FREM3: variants seen among roughly 807,000 people sequenced by gnomAD.
The protein encoded by FREM3 is FRAS1 related extracellular matrix 3.
In FREM3, 105 loss-of-function variants were observed where a neutral mutation model predicts 129.1. The ratio of observed to expected loss-of-function variants is 0.81; its 90% CI spans 0.69 to 0.96. The LOEUF (loss-of-function observed/expected upper bound fraction) is 0.96, where lower values mean the gene tolerates loss of function less well. FREM3 is among the 40% of genes least tolerant of loss of function. FREM3 has a pLI of 0.00. For missense variants in FREM3, 2,593 were observed against 2,666.3 expected (o/e 0.97, Z 0.61); for synonymous variants, 1,014 against 1,044.9 (o/e 0.97, Z 0.57).
intron 4 of FREM3, among the ~76,000 whole-genome samples, chr4:143,621,643 A>G (rs944854195): frequency 6.6e-6 from 1 of 152,208 alleles, no homozygotes; most frequent in African/African-American, 2.4e-5. Context: ...ATATGCTGAG[A>G]AAAATAAGCT....
Position 143,696,521 on chromosome 4 carries a change from G to C in FREM3, c.4155C>G (p.Ile1385Met), listed in dbSNP as rs1387236983. 2 of 1,537,522 alleles carry C rather than the reference G, an allele frequency of 1.3e-6. No individual in the cohort carries two copies. Among genetic ancestry groups the C allele is most frequent in the Middle Eastern group, 3.3e-4 (2 of 5,992 alleles). Residue 1385 changes from isoleucine to methionine, a missense_variant, in exon 1 of 8, where the codon ATC (isoleucine) becomes ATG (methionine). Physicochemically the swap from Ile to Met is conservative, Grantham distance 10. Coordinates refer to ENST00000329798, the MANE Select transcript of FREM3 (RefSeq NM_001168235.2). Reference sequence around the variant, plus strand: ...CTTCTTGGCCTGTGTGGATATAGCAGATGAGGCCTCTGTTAATCTCATCCT... The same window carrying C: ...CTTCTTGGCCTGTGTGGATATAGCACATGAGGCCTCTGTTAATCTCATCCT... Reference protein sequence around the residue: ...FTQDEINRGLICYIHTGQEGI... With the variant: ...FTQDEINRGLMCYIHTGQEGI...
Position 143,695,792 on chromosome 4 carries a change from AGT to A in FREM3, c.4882_4883del (p.Thr1628SerfsTer3). The A allele has an allele frequency of 6.5e-7, 1 of 1,537,262 alleles. No homozygotes were observed. The highest frequency in any genetic ancestry group is 8.7e-7 in the Non-Finnish European group (1 of 1,146,918). On this transcript the variant is annotated frameshift_variant, in exon 1 of 8. Transcript: ENST00000329798. LOFTEE classifies it high-confidence loss of function. ...DSFSLTVTDG[T>X]HTDFYVLPDT... The stretch of plus-strand genomic sequence containing the variant: ...CTGGTAGGACATAGAAATCAGTGTG[AGT>A]GCCGTCTGTCACAGTCAAGGAGAAA...
At chr4:143,604,405 C>T (rs1738630742) in intron 6 of FREM3, among the ~76,000 whole-genome samples, 1 of 152,164 alleles carries the variant, frequency 6.6e-6, no homozygotes, top group Non-Finnish European at 1.5e-5. Flanking sequence ...CTCTGGAGCA[C>T]TCTCCAAGGC....
intron 5 of FREM3, 45 bp downstream of exon 5, chr4:143,620,992 C>T: frequency 1.3e-6 from 2 of 1,527,878 alleles, no homozygotes; most frequent in Non-Finnish European, 1.8e-6. Context: ...CAGTCTTGTT[C>T]TCATCATCTT....
chr4:143,664,938 G>A (rs925920350), intron 2 of FREM3, among the ~76,000 whole-genome samples: 29 of 152,140 alleles, frequency 1.9e-4, no homozygotes, highest in African/African-American at 5.1e-4. Context: ...TAAGCCCGTC[G>A]GAAAAGTGCA....
intron 6 of FREM3, among the ~76,000 whole-genome samples, chr4:143,599,995 C>T (rs905945899): frequency 2.0e-5 from 3 of 152,162 alleles, no homozygotes; most frequent in Non-Finnish European, 4.4e-5. Flanking sequence ...ATTTAAAAAT[C>T]TAGTGGTTGG....
chr4:143,652,568 A>G (rs917370187), intron 2 of FREM3, among the ~76,000 whole-genome samples: 1 of 152,234 alleles, frequency 6.6e-6, no homozygotes, highest in Non-Finnish European at 1.5e-5. Flanking sequence ...AAAAAATCCC[A>G]TTCAGTCCCT....
rs768585964 is a variant in FREM3 at position 143,695,507 on chromosome 4, A to G, written c.5169T>C (p.Thr1723=). The G allele has an allele frequency of 5.9e-6, 9 of 1,537,294 alleles. No homozygotes were observed. In the South Asian group the frequency reaches 1.1e-4, roughly 18 times the overall value. Residue 1723 remains threonine, a synonymous_variant, in exon 1 of 8, where the codon ACT becomes ACC. Coordinates refer to ENST00000329798, the MANE Select transcript of FREM3 (RefSeq NM_001168235.2). The stretch of plus-strand genomic sequence containing the variant: ...CATACTAACCTTGTGTAAACACTCG[A>G]GTGCTCTGGTTTCCAAGGCCAGTTT... ...IIKTGLGNQS[T]RVFTQADIDE...
intron 7 of FREM3, among the ~76,000 whole-genome samples, chr4:143,580,658 C>G (rs1738126654): frequency 6.6e-6 from 1 of 152,166 alleles, no homozygotes; most frequent in African/African-American, 2.4e-5. Context: ...TAAACAAAGC[C>G]CACTGGCCTG....
chr4:143,678,391 T>A (rs930442633), intron 2 of FREM3, among the ~76,000 whole-genome samples: 1 of 151,834 alleles, frequency 6.6e-6, no homozygotes, highest in African/African-American at 2.4e-5. Flanking sequence ...GGGCCTGTTG[T>A]TGGTTGGGGG....
intron 2 of FREM3, among the ~76,000 whole-genome samples, chr4:143,688,833 A>G (rs1370173797): frequency 6.6e-6 from 1 of 152,206 alleles, no homozygotes; most frequent in African/African-American, 2.4e-5. Flanking sequence ...ATGTAGGCAA[A>G]TGAAACTGGA....
At chr4:143,675,935 G>T (rs1023137992) in intron 2 of FREM3, among the ~76,000 whole-genome samples, 6 of 152,116 alleles carry the variant, frequency 3.9e-5, no homozygotes, top group South Asian at 2.1e-4. Flanking sequence ...GGACCAGATG[G>T]ATTCACAGCC....
chr4:143,646,029 C>T (rs1032872532), intron 2 of FREM3, among the ~76,000 whole-genome samples: 1 of 152,152 alleles, frequency 6.6e-6, no homozygotes, highest in African/African-American at 2.4e-5. Flanking sequence ...AGATTTGCCC[C>T]TTCCCCAGTG....
chr4:143,646,453 CAT>C, intron 2 of FREM3, among the ~76,000 whole-genome samples: 1 of 152,244 alleles, frequency 6.6e-6, no homozygotes, highest in Admixed American at 6.5e-5. Flanking sequence ...ATAATCCCCA[CAT>C]GTCAAGGGCA....
intron 6 of FREM3, among the ~76,000 whole-genome samples, chr4:143,592,170 C>G (rs935532000): frequency 6.6e-6 from 1 of 151,792 alleles, no homozygotes; most frequent in Non-Finnish European, 1.5e-5. Flanking sequence ...ATACAGCACA[C>G]TGGTGGGTCT....
intron 2 of FREM3, among the ~76,000 whole-genome samples, chr4:143,661,227 A>G (rs1428147469): frequency 6.6e-6 from 1 of 152,154 alleles, no homozygotes; most frequent in African/African-American, 2.4e-5. Context: ...GGTTTGTCAT[A>G]GATAGCTCTT....
At position 143,693,197 on chromosome 4, in the gene FREM3, T is replaced by C. The variant is rs1195961468; in HGVS notation, c.5191A>G (p.Ile1731Val). 2.5e-5 allele frequency: 37 copies of C among 1,489,298 alleles called. No homozygotes were observed. Among genetic ancestry groups the C allele is most frequent in the Non-Finnish European group, 3.1e-5 (35 of 1,119,614 alleles). 92.3% of individuals were successfully genotyped at this position (1,489,298 alleles called of 1,614,324 possible). A position where few individuals can be genotyped will look rare whatever the true frequency, so the allele number is the denominator to read the frequency against. ...QSTRVFTQAD[I>V]DEMKISYVLN... Reference sequence around the variant, plus strand: ...ACATAGGATATCTTCATCTCATCAATGTCAGCTAAAAAAAAAGCAACCATC... The same window carrying C: ...ACATAGGATATCTTCATCTCATCAACGTCAGCTAAAAAAAAAGCAACCATC... The change falls in exon 2 of 8, where the codon ATT (isoleucine) becomes GTT (valine). Residue 1731 changes from isoleucine (I) to valine (V), a missense_variant. Around this residue, in one of 2 missense-constraint regions of FREM3, gnomAD observed 2,276 missense variants for 2,267.2 expected, o/e 1.00. Coordinates refer to ENST00000329798, the MANE Select transcript of FREM3 (RefSeq NM_001168235.2).
rs1305368181 is a variant in FREM3 at position 143,585,485 on chromosome 4, G to A, written c.6178+359C>T. On this transcript the variant is annotated intron_variant, in intron 7 of 7. Transcript: ENST00000329798. The surrounding 1 kb of genome is among the most constrained non-coding windows in gnomAD (Gnocchi z 4.2). ...CTCCTACACTTCAAAGGTCTAATAT[G>A]TGACGAGATTCTTCCACGAGTTGGG... 1.3e-5 allele frequency among the ~76,000 whole-genome samples: 2 copies of A among 152,216 alleles called. No homozygotes were observed. Among genetic ancestry groups the A allele is most frequent in the Non-Finnish European group, 2.9e-5 (2 of 68,046 alleles).
In FREM3 at chr4:143,596,356, T is replaced by A. The variant is rs189960186; in HGVS notation, c.6029-10363A>T. ...ACATGATGATGATTGATGATACTAC[T>A]AGTAGGCAGTAGTATTAGTGATGGA... On this transcript the variant is annotated intron_variant, in intron 6 of 7. Coordinates refer to ENST00000329798, the MANE Select transcript of FREM3 (RefSeq NM_001168235.2). Among the ~76,000 whole-genome samples, 7 of 152,312 alleles carry A rather than the reference T, an allele frequency of 4.6e-5. No homozygotes were observed. In the East Asian group the frequency reaches 1.3e-3, roughly 29 times the overall value.
Sources: allele counts gnomAD v4.1 joint callset (sites outside exome capture counted in the v4.1 genomes callset), GRCh38; gene constraint gnomAD v4.1.1; regional missense constraint gnomAD v4.1.1; non-coding constraint Gnocchi (gnomAD v3.1); transcripts MANE v1.5; gene names NCBI Gene and HGNC (gene_info 2026-07-23, HGNC 2026-07-21).